The following ELMO1 variants were observed in gnomAD, a reference collection of about 807,000 sequenced individuals.
ELMO1 encodes the protein engulfment and cell motility protein 1.
A neutral mutation model predicts 98.9 loss-of-function variants in ELMO1; 26 were observed. That is an observed-to-expected ratio of 0.26 (90% CI 0.19 to 0.36). ELMO1 has a LOEUF of 0.36. Among genes scored for constraint, ELMO1 ranks in the 10% least tolerant of loss-of-function variants. The pLI is 1.00. For synonymous variants in ELMO1, 346 were observed against 346.0 expected (o/e 1.00, Z 0.00); for missense variants, 627 against 935.2 (o/e 0.67, Z 4.30).
At chr7:37,134,558 CAAAAAA>C (rs370768267) in intron 13 of ELMO1, among the ~76,000 whole-genome samples, 2 of 89,250 alleles carry the variant, frequency 2.2e-5, no homozygotes, top group African/African-American at 6.8e-5. Flanking sequence ...GACTCCATCT[CAAAAAA>C]AAAAAAAAAA....
At chr7:37,149,719 G>A (rs1394258425) in intron 13 of ELMO1, among the ~76,000 whole-genome samples, 1 of 152,128 alleles carries the variant, frequency 6.6e-6, no homozygotes, top group East Asian at 1.9e-4. Flanking sequence ...GCAGACTCTT[G>A]TTCTAAGTGT....
intron 13 of ELMO1, among the ~76,000 whole-genome samples, chr7:37,151,111 T>A (rs146870564): frequency 2.7e-4 from 41 of 152,298 alleles, no homozygotes; most frequent in African/African-American, 7.5e-4. Context: ...GTGGGGAGAC[T>A]AGGGTGTGGA....
intron 14 of ELMO1, among the ~76,000 whole-genome samples, chr7:37,121,083 A>C (rs1021448441): frequency 5.3e-5 from 8 of 152,214 alleles, no homozygotes; most frequent in Non-Finnish European, 1.2e-4. Flanking sequence ...TAGAAGGAAA[A>C]CTAACAAACA....
intron 16 of ELMO1, among the ~76,000 whole-genome samples, chr7:36,956,021 T>C (rs970612194): frequency 3.3e-5 from 5 of 152,242 alleles, no homozygotes; most frequent in Non-Finnish European, 7.3e-5. Flanking sequence ...CCCTTTTTCA[T>C]GTTTAGATCT....
intron 14 of ELMO1, chr7:37,116,704 C>T (rs1785618913): frequency 6.6e-6 from 1 of 151,834 alleles, no homozygotes; most frequent in Non-Finnish European, 1.5e-5. Context: ...AAAACCACCA[C>T]CACCACCAAC....
chr7:36,857,296 T>G (rs1802276102), intron 21 of ELMO1, among the ~76,000 whole-genome samples: 1 of 152,176 alleles, frequency 6.6e-6, no homozygotes, highest in Admixed American at 6.5e-5. Context: ...TAAATAACCT[T>G]GACAGAAGTA....
rs540958181 is a variant in ELMO1, at chr7:37,120,992, G to A, written c.1191+12138C>T. Among the ~76,000 whole-genome samples, 277 of 152,300 alleles carry A rather than the reference G, an allele frequency of 1.8e-3. 4 individuals are homozygous for A. Among genetic ancestry groups the A allele is most frequent in the South Asian group, 3.7e-3 (18 of 4,820 alleles). On this transcript the variant is annotated intron_variant, in intron 14 of 21. Transcript: ENST00000310758. ...CAATATTCGCTGTTCTGCAGCCTCCGCTGCTGATACCCAGGCAAACAGAGT... is the reference window on the plus strand; with the variant it reads ...CAATATTCGCTGTTCTGCAGCCTCCACTGCTGATACCCAGGCAAACAGAGT...
At chr7:37,127,846 C>G (rs557234680) in intron 14 of ELMO1, among the ~76,000 whole-genome samples, 1 of 152,050 alleles carries the variant, frequency 6.6e-6, no homozygotes, top group Non-Finnish European at 1.5e-5. Flanking sequence ...AAGCTAAAAC[C>G]AGGTAATTTG....
intron 13 of ELMO1, among the ~76,000 whole-genome samples, chr7:37,170,157 G>A (rs913632699): frequency 3.4e-4 from 52 of 152,114 alleles, no homozygotes; most frequent in Non-Finnish European, 1.9e-4. Flanking sequence ...CACTCACCTC[G>A]GCCTCCCAAA....
intron 2 of ELMO1, among the ~76,000 whole-genome samples, chr7:37,337,699 T>C (rs947982076): frequency 6.6e-6 from 1 of 152,122 alleles, no homozygotes; most frequent in Non-Finnish European, 1.5e-5. Flanking sequence ...TGCAAATATG[T>C]AGGCCGAGAA....
intron 15 of ELMO1, among the ~76,000 whole-genome samples, chr7:37,050,399 C>T (rs1028573231): frequency 8.5e-5 from 13 of 152,176 alleles, no homozygotes; most frequent in Middle Eastern, 6.8e-3. Context: ...CATGCCTGGC[C>T]CCCAGTTCTA....
At chr7:37,170,654 G>A (rs71539820) in intron 13 of ELMO1, among the ~76,000 whole-genome samples, 455 of 144,170 alleles carry the variant, frequency 3.2e-3, no homozygotes, top group Non-Finnish European at 4.7e-3. Flanking sequence ...CTGTCACCCA[G>A]GCAGGAGTAC....
chr7:37,406,272 T>TTC (rs1003532448), intron 1 of ELMO1, among the ~76,000 whole-genome samples: 1 of 151,616 alleles, frequency 6.6e-6, no homozygotes, highest in African/African-American at 2.4e-5. Flanking sequence ...CTTTTGTTTT[T>TTC]TTTTTTTCTC....
intron 13 of ELMO1, among the ~76,000 whole-genome samples, chr7:37,173,208 T>C (rs1381230426): frequency 6.6e-6 from 1 of 152,200 alleles, no homozygotes; most frequent in Non-Finnish European, 1.5e-5. Flanking sequence ...TCTTTGAAAT[T>C]GTATTTAGAG....
At chr7:37,123,995 A>G (rs1030278709) in intron 14 of ELMO1, among the ~76,000 whole-genome samples, 1 of 152,244 alleles carries the variant, frequency 6.6e-6, no homozygotes, top group African/African-American at 2.4e-5. Flanking sequence ...ATGCAAATCC[A>G]TAAACATAAT....
intron 16 of ELMO1, among the ~76,000 whole-genome samples, chr7:36,987,363 G>A (rs560870010): frequency 6.6e-6 from 1 of 152,280 alleles, no homozygotes; most frequent in East Asian, 1.9e-4. Flanking sequence ...GGGCTCATAA[G>A]GTGGCAATCT....
At chr7:36,924,590 AT>A (rs1249701987) in intron 16 of ELMO1, among the ~76,000 whole-genome samples, 1 of 152,260 alleles carries the variant, frequency 6.6e-6, no homozygotes, top group Non-Finnish European at 1.5e-5. Flanking sequence ...GAAGCAGCAC[AT>A]TTGGCAAACT....
At chr7:37,279,546 C>T (rs1358836464) in intron 4 of ELMO1, among the ~76,000 whole-genome samples, 1 of 152,200 alleles carries the variant, frequency 6.6e-6, no homozygotes, top group Non-Finnish European at 1.5e-5. Context: ...GGGAGACCCT[C>T]TTCTCCGAAA....
intron 15 of ELMO1, among the ~76,000 whole-genome samples, chr7:37,072,750 C>T (rs1321644511): frequency 6.6e-6 from 1 of 152,140 alleles, no homozygotes; most frequent in Non-Finnish European, 1.5e-5. Flanking sequence ...CCACTGGTTT[C>T]TCTTCTTCAT....
Sources: allele counts gnomAD v4.1 joint callset (sites outside exome capture counted in the v4.1 genomes callset), GRCh38; gene constraint gnomAD v4.1.1; transcripts MANE v1.5; gene names NCBI Gene and HGNC (gene_info 2026-07-23, HGNC 2026-07-21).